The following ALPK2 variants were observed in gnomAD, a reference collection of about 807,000 sequenced individuals.
ALPK2 encodes the protein alpha kinase 2.
ALPK2 carries 127 observed loss-of-function variants against 163.1 expected under a neutral mutation model. The ratio of observed to expected loss-of-function variants is 0.78; its 90% CI spans 0.67 to 0.90. ALPK2 has a LOEUF of 0.90. Ranked by LOEUF, ALPK2 falls within the 40% of genes least tolerant of loss-of-function variation. ALPK2 has a pLI of 0.00. For synonymous variants in ALPK2, 953 were observed against 959.1 expected (o/e 0.99, Z 0.12); for missense variants, 2,360 against 2,589.6 (o/e 0.91, Z 1.92).
At chr18:58,608,384 A>G (rs2052109283) in intron 2 of ALPK2, among the ~76,000 whole-genome samples, 1 of 152,218 alleles carries the variant, frequency 6.6e-6, no homozygotes, top group Admixed American at 6.5e-5. Context: ...TAATGGGCTA[A>G]TCCGGTAAAA....
At position 58,522,907 on chromosome 18, in the gene ALPK2, C is replaced by CT. The variant is rs200363993; in HGVS notation, c.5665+898dup. On this transcript the variant is annotated intron_variant, in intron 8 of 12. Transcript: ENST00000361673. ...GGCTCATGAATTGTCATTTCTTTCTCTTTTTTTTTTCTGATTTTTTTTTAA... is the reference window on the plus strand; with the variant it reads ...GGCTCATGAATTGTCATTTCTTTCTCTTTTTTTTTTTCTGATTTTTTTTTAA... 7.3e-4 allele frequency among the ~76,000 whole-genome samples: 108 copies of CT among 148,810 alleles called. No individual in the cohort carries two copies. In the South Asian group the frequency reaches 7.7e-3, roughly 11 times the overall value.
intron 12 of ALPK2, among the ~76,000 whole-genome samples, chr18:58,483,726 A>ATTTTT (rs35380816): frequency 5.3e-5 from 7 of 132,828 alleles, no homozygotes; most frequent in African/African-American, 2.0e-4. Flanking sequence ...AATTTTTTGT[A>ATTTTT]TTTTTTTTTT....
intron 3 of ALPK2, among the ~76,000 whole-genome samples, chr18:58,582,908 T>C (rs1166135850): frequency 6.6e-6 from 1 of 152,090 alleles, no homozygotes; most frequent in African/African-American, 2.4e-5. Context: ...AAGAAATTGT[T>C]GAGTTAAGAT....
chr18:58,555,390 T>A (rs2051784963), intron 4 of ALPK2, among the ~76,000 whole-genome samples: 1 of 152,232 alleles, frequency 6.6e-6, no homozygotes, highest in African/African-American at 2.4e-5. Flanking sequence ...CTAAGTCTAA[T>A]CATTTCTTGG....
intron 3 of ALPK2, chr18:58,580,822 T>A: frequency 2.3e-6 from 1 of 432,532 alleles, no homozygotes; most frequent in Non-Finnish European, 4.2e-6. Context: ...CATGACAGTT[T>A]ACAAATGCCA....
intron 12 of ALPK2, among the ~76,000 whole-genome samples, chr18:58,497,082 C>T (rs1031693614): frequency 1.3e-5 from 2 of 152,248 alleles, no homozygotes; most frequent in East Asian, 3.8e-4. Flanking sequence ...CCCTCACTTC[C>T]TCTGCCTCCC....
intron 4 of ALPK2, among the ~76,000 whole-genome samples, chr18:58,552,521 A>G (rs968929959): frequency 3.3e-5 from 5 of 152,260 alleles, no homozygotes; most frequent in Non-Finnish European, 1.5e-5. Context: ...GGACAAGTGT[A>G]TCAAGGAAAG....
intron 5 of ALPK2, among the ~76,000 whole-genome samples, chr18:58,531,872 G>T (rs1439817617): frequency 7.3e-6 from 1 of 137,082 alleles, no homozygotes; most frequent in Non-Finnish European, 1.5e-5. Flanking sequence ...AGGAGGTGGA[G>T]GTTGTAGTGA....
chr18:58,535,774 T>C lies in ALPK2; in HGVS notation c.4413A>G (p.Gln1471=). 1 of 1,614,246 alleles carries C rather than the reference T, an allele frequency of 6.2e-7. No individual in the cohort carries two copies. The highest frequency in any genetic ancestry group is 8.5e-7 in the Non-Finnish European group (1 of 1,180,018). The stretch of plus-strand genomic sequence containing the variant: ...CAGCCTCCTGCTTCATACTGCCTTC[T>C]TGGCTTCTGCTGATTCTATTTTCAC... The part of the protein sequence containing the change: ...ILSENRISRS[Q]EGSMKQEAEQ... Residue 1471 remains glutamine (Q), a synonymous_variant, in exon 5 of 13, where the codon CAA becomes CAG. Transcript: ENST00000361673.
intron 3 of ALPK2, among the ~76,000 whole-genome samples, chr18:58,594,061 T>C (rs2052029491): frequency 6.6e-6 from 1 of 151,448 alleles, no homozygotes; most frequent in South Asian, 2.1e-4. Context: ...TCAGAAGCAC[T>C]GAACTAAATA....
chr18:58,556,270 C>A (rs2051790727), intron 4 of ALPK2, among the ~76,000 whole-genome samples: 1 of 152,120 alleles, frequency 6.6e-6, no homozygotes, highest in South Asian at 2.1e-4. Context: ...TCACCTTCAC[C>A]AGAGGCCACC....
intron 1 of ALPK2, among the ~76,000 whole-genome samples, chr18:58,622,073 A>G (rs1473694890): frequency 1.3e-5 from 2 of 151,136 alleles, no homozygotes; most frequent in African/African-American, 4.9e-5. Context: ...GAGGCCGGGC[A>G]TAGTGGCTCA....
At chr18:58,486,490 G>A (rs557231501) in intron 12 of ALPK2, among the ~76,000 whole-genome samples, 14 of 152,282 alleles carry the variant, frequency 9.2e-5, no homozygotes, top group African/African-American at 2.9e-4. Context: ...TGCCCAGAAC[G>A]CCTGTCCAGG....
intron 4 of ALPK2, among the ~76,000 whole-genome samples, chr18:58,569,809 A>G (rs2051875779): frequency 6.6e-6 from 1 of 152,200 alleles, no homozygotes; most frequent in Non-Finnish European, 1.5e-5. Context: ...CATGCTGGCC[A>G]CACTCTAAGA....
intron 8 of ALPK2, among the ~76,000 whole-genome samples, chr18:58,522,325 T>C (rs1259997835): frequency 6.6e-6 from 1 of 152,130 alleles, no homozygotes; most frequent in Non-Finnish European, 1.5e-5. Flanking sequence ...ATTGTAGGAC[T>C]CAGAACTTCC....
chr18:58,550,914 CCCCATCCCCACCTCCATTACATACAAT>C (rs2051756042), intron 4 of ALPK2, among the ~76,000 whole-genome samples: 2 of 147,446 alleles, frequency 1.4e-5, no homozygotes, highest in African/African-American at 5.0e-5. Flanking sequence ...TCACATGCAA[CCCCATCCCCACCTCCATTACATACAAT>C]CCCATCCCCA....
rs2051636726 is a variant in ALPK2 at position 58,535,121 on chromosome 18, TTC to T, written c.5064_5065del (p.Lys1689ValfsTer36). ...TTTGCCTGCTCGGGCTTCCAGGGACTTCTCTCTCTCCCTGGACTTTTTCGCAC... is the reference window on the plus strand; with the variant it reads ...TTTGCCTGCTCGGGCTTCCAGGGACTTCTCTCTCCCTGGACTTTTTCGCAC... On this transcript the variant is annotated frameshift_variant, in exon 5 of 13. Coordinates refer to ENST00000361673, the MANE Select transcript of ALPK2 (RefSeq NM_052947.4). The T allele has an allele frequency of 5.6e-6, 9 of 1,614,114 alleles. No individual in the cohort carries two copies. The highest frequency in any genetic ancestry group is 7.6e-6 in the Non-Finnish European group (9 of 1,180,024).
chr18:58,536,816 T>C lies in ALPK2; in HGVS notation c.3371A>G (p.Glu1124Gly), dbSNP rs1326210556. Reference sequence around the variant, plus strand: ...TTCACTTCCTCTTTCTTGGAAATTCTCTTCATAGCTCCTAAAGTCTGCTCT... The same window carrying C: ...TTCACTTCCTCTTTCTTGGAAATTCCCTTCATAGCTCCTAAAGTCTGCTCT... ...VDRADFRSYE[E>G]NFQERGSETK... Residue 1124 changes from glutamate (E) to glycine (G), a missense_variant, in exon 5 of 13, where the codon GAG becomes GGG. Glu to Gly is a moderately conservative substitution (Grantham distance 98). Transcript: ENST00000361673. The C allele has an allele frequency of 6.2e-7, 1 of 1,614,180 alleles. No individual in the cohort carries two copies.
At chr18:58,490,073 A>AT (rs1332396614) in intron 12 of ALPK2, among the ~76,000 whole-genome samples, 1 of 152,078 alleles carries the variant, frequency 6.6e-6, no homozygotes, top group Non-Finnish European at 1.5e-5. Flanking sequence ...TCCGTCTCAA[A>AT]AAAAAAAGAA....
Sources: gnomAD v4.1 joint callset for allele counts (sites outside exome capture counted in the v4.1 genomes callset) on GRCh38, gnomAD v4.1.1 for gene constraint, MANE v1.5 for transcripts, NCBI Gene and HGNC (gene_info 2026-07-23, HGNC 2026-07-21) for gene names.